The following DTWD2 variants were observed in gnomAD, a reference collection of about 807,000 sequenced individuals.
DTWD2 encodes DTW motif tRNA-uridine aminocarboxypropyltransferase 2.
Under a neutral mutation model 31.8 loss-of-function variants are expected in DTWD2, and 39 were observed. The observed-to-expected ratio is 1.22, with a 90% CI of 0.95 to 1.60. The LOEUF is 1.60. Among genes scored for constraint, DTWD2 ranks in the 40% most tolerant of loss-of-function variants. The probability of loss-of-function intolerance (pLI) is 0.00; values close to 1 mark genes in which losing one functional copy is unlikely to be tolerated. For synonymous variants in DTWD2, 180 were observed against 142.8 expected (o/e 1.26, Z -1.86); for missense variants, 515 against 381.5 (o/e 1.35, Z -2.92).
At position 118,911,956 on chromosome 5, in the gene DTWD2, A is replaced by G. The variant is rs148409500; in HGVS notation, c.597+16581T>C. On this transcript the variant is annotated intron_variant, in intron 4 of 5. Transcript: ENST00000510708. ...CAAAACAAGGGGGCAAAGGAACTGAATCTAACCAACACGTCACTCAGCTCT... is the reference window on the plus strand; with the variant it reads ...CAAAACAAGGGGGCAAAGGAACTGAGTCTAACCAACACGTCACTCAGCTCT... 6.1e-3 allele frequency among the ~76,000 whole-genome samples: 935 copies of G among 152,338 alleles called. 3 individuals carry two copies. The highest frequency in any genetic ancestry group is 0.044 in the Middle Eastern group (13 of 294).
chr5:118,927,171 C>G (rs1367318433), intron 4 of DTWD2, among the ~76,000 whole-genome samples: 1 of 151,818 alleles, frequency 6.6e-6, no homozygotes, highest in African/African-American at 2.4e-5. Flanking sequence ...ATCATGAGGG[C>G]TCTGCCTTCA....
At chr5:118,957,489 G>A (rs1466825336) in intron 1 of DTWD2, among the ~76,000 whole-genome samples, 1 of 151,958 alleles carries the variant, frequency 6.6e-6, no homozygotes, top group East Asian at 1.9e-4. Context: ...CAAAGTGCTG[G>A]GATTACAGGT....
intron 1 of DTWD2, among the ~76,000 whole-genome samples, chr5:118,960,538 A>C (rs959954149): frequency 1.3e-5 from 2 of 152,204 alleles, no homozygotes; most frequent in Non-Finnish European, 2.9e-5. Flanking sequence ...AAAGAACTTA[A>C]AACAGAATTA....
At chr5:118,851,613 T>C (rs1179561676) in intron 4 of DTWD2, among the ~76,000 whole-genome samples, 2 of 142,806 alleles carry the variant, frequency 1.4e-5, no homozygotes, top group East Asian at 4.2e-4. Flanking sequence ...TTGATAAACA[T>C]CTTAACAGAA....
chr5:118,905,229 GCTC>G (rs1376856252), intron 4 of DTWD2, among the ~76,000 whole-genome samples: 1 of 151,954 alleles, frequency 6.6e-6, no homozygotes, highest in Non-Finnish European at 1.5e-5. Context: ...AATATTTAAT[GCTC>G]CTTTTTCCAA....
intron 4 of DTWD2, among the ~76,000 whole-genome samples, chr5:118,870,292 G>A (rs1418565445): frequency 2.0e-5 from 3 of 152,204 alleles, no homozygotes; most frequent in Admixed American, 6.5e-5. Context: ...TAATAGTAAC[G>A]AACTAGACAT....
chr5:118,956,913 A>G (rs1318950016), intron 1 of DTWD2, among the ~76,000 whole-genome samples: 1 of 148,704 alleles, frequency 6.7e-6, no homozygotes, highest in Non-Finnish European at 1.5e-5. Context: ...GCTTTGGAAA[A>G]CTAAATACCA....
intron 1 of DTWD2, among the ~76,000 whole-genome samples, chr5:118,981,643 C>T (rs1400921706): frequency 3.9e-5 from 6 of 152,300 alleles, no homozygotes; most frequent in African/African-American, 1.2e-4. Flanking sequence ...TTACTACAGC[C>T]TCGAACTCCT....
Position 118,973,079 on chromosome 5 carries a change from CTTT to C in DTWD2, c.218+15212_218+15214del, listed in dbSNP as rs767993540. Among the ~76,000 whole-genome samples the C allele has an allele frequency of 7.9e-4, 111 of 139,982 alleles. 1 individual carries two copies. Among genetic ancestry groups the C allele is most frequent in the Middle Eastern group, 3.7e-3 (1 of 270 alleles). The allele number at this position is 139,982 out of a possible 152,430, so 91.8% of individuals were successfully genotyped here. On this transcript the variant is annotated intron_variant, in intron 1 of 5. Transcript: ENST00000510708. ...TATCAGAAACTAGGATTGCAACCCC[CTTT>C]TTTTTTTTTTTTTTTGGCTTTCCAT...
chr5:118,862,431 G>C (rs1197927310), intron 4 of DTWD2, among the ~76,000 whole-genome samples: 1 of 152,118 alleles, frequency 6.6e-6, no homozygotes, highest in Non-Finnish European at 1.5e-5. Context: ...AAGAATGTTA[G>C]AAATAGGGCC....
intron 5 of DTWD2, among the ~76,000 whole-genome samples, chr5:118,844,317 T>A (rs920094008): frequency 6.6e-6 from 1 of 152,306 alleles, no homozygotes; most frequent in South Asian, 2.1e-4. Flanking sequence ...AAAATTCCTA[T>A]GATAAAACTT....
intron 4 of DTWD2, among the ~76,000 whole-genome samples, chr5:118,885,540 C>A (rs1043980416): frequency 1.2e-4 from 18 of 147,512 alleles, no homozygotes; most frequent in African/African-American, 4.0e-4. Context: ...CCGAGGTGGG[C>A]GGATCACCTG....
At chr5:118,957,568 G>A (rs529206561) in intron 1 of DTWD2, among the ~76,000 whole-genome samples, 11 of 151,952 alleles carry the variant, frequency 7.2e-5, no homozygotes, top group Non-Finnish European at 1.3e-4. Flanking sequence ...ATCCTAAAAC[G>A]GTGATATATA....
At chr5:118,932,649 A>G (rs1407518228) in intron 3 of DTWD2, among the ~76,000 whole-genome samples, 1 of 152,152 alleles carries the variant, frequency 6.6e-6, no homozygotes, top group Admixed American at 6.5e-5. Context: ...GATTATAAGA[A>G]GAGGAAATTT....
chr5:118,976,031 G>T (rs1054308526), intron 1 of DTWD2, among the ~76,000 whole-genome samples: 2 of 152,156 alleles, frequency 1.3e-5, no homozygotes, highest in African/African-American at 4.8e-5. Context: ...TCAGAATTAA[G>T]AAACTCACTC....
chr5:118,889,665 C>T (rs111621298), intron 4 of DTWD2, among the ~76,000 whole-genome samples: 10 of 152,196 alleles, frequency 6.6e-5, no homozygotes, highest in African/African-American at 2.2e-4. Context: ...TCACTGTATA[C>T]TCTCTCATCT....
At chr5:118,929,867 A>T (rs959780066) in intron 3 of DTWD2, among the ~76,000 whole-genome samples, 2 of 152,184 alleles carry the variant, frequency 1.3e-5, no homozygotes, top group South Asian at 4.1e-4. Context: ...TAATGGTCTG[A>T]AAGAAATATT....
intron 1 of DTWD2, among the ~76,000 whole-genome samples, chr5:118,947,316 C>G (rs916509236): frequency 6.6e-6 from 1 of 152,128 alleles, no homozygotes; most frequent in African/African-American, 2.4e-5. Flanking sequence ...AAAATCAGGT[C>G]ACAGGAATGA....
chr5:118,877,589 T>C (rs1395903700), intron 4 of DTWD2, among the ~76,000 whole-genome samples: 1 of 152,138 alleles, frequency 6.6e-6, no homozygotes, highest in Non-Finnish European at 1.5e-5. Flanking sequence ...TCATACTGAA[T>C]GGGCAAAAGA....
Sources: gnomAD v4.1 joint callset for allele counts (sites outside exome capture counted in the v4.1 genomes callset) on GRCh38, gnomAD v4.1.1 for gene constraint, MANE v1.5 for transcripts, NCBI Gene and HGNC (gene_info 2026-07-23, HGNC 2026-07-21) for gene names.